SASH1: variants seen among roughly 807,000 people sequenced by gnomAD.
SASH1 encodes the protein SAM and SH3 domain-containing protein 1.
Under a neutral mutation model 125.2 loss-of-function variants are expected in SASH1, and 44 were observed. That is an observed-to-expected ratio of 0.35 (90% CI 0.28 to 0.45). The LOEUF (loss-of-function observed/expected upper bound fraction) is 0.45, where lower values mean the gene tolerates loss of function less well. Ranked by LOEUF, SASH1 falls within the 20% of genes least tolerant of loss-of-function variation. The pLI is 1.00. For synonymous variants in SASH1, 639 were observed against 649.1 expected, an observed-to-expected ratio of 0.98 and a Z score of 0.24; for missense variants, 1,426 against 1,614.5, an observed-to-expected ratio of 0.88 and a Z score of 2.00.
intron 4 of SASH1, among the ~76,000 whole-genome samples, chr6:148,441,128 A>G (rs938083239): frequency 2.0e-5 from 3 of 152,228 alleles, no homozygotes; most frequent in African/African-American, 7.2e-5. Flanking sequence ...AAAAATTTTA[A>G]AGAAAGTCCA....
intron 1 of SASH1, among the ~76,000 whole-genome samples, chr6:148,373,513 G>A (rs1455259278): frequency 1.3e-5 from 2 of 152,162 alleles, no homozygotes; most frequent in Non-Finnish European, 1.5e-5. Flanking sequence ...GGGGGCTGTG[G>A]CCTTTTCTCT....
chr6:148,367,457 A>C (rs761115230), intron 1 of SASH1, among the ~76,000 whole-genome samples: 3 of 152,204 alleles, frequency 2.0e-5, no homozygotes, highest in Non-Finnish European at 4.4e-5. Flanking sequence ...GGCCCTGCGC[A>C]GGTCTGCAGG....
intron 1 of SASH1, among the ~76,000 whole-genome samples, chr6:148,274,905 G>A (rs916957876): frequency 6.6e-6 from 1 of 152,018 alleles, no homozygotes; most frequent in Non-Finnish European, 1.5e-5. Flanking sequence ...TCTTCATTTA[G>A]GGCAATATCC....
chr6:148,197,858 G>A, the SASH1 span, among the ~76,000 whole-genome samples: 1 of 152,010 alleles, frequency 6.6e-6, no homozygotes, highest in Non-Finnish European at 1.5e-5. Flanking sequence ...TTTTGTTTTT[G>A]TTTTGTTTTG....
chr6:148,549,340 G>T lies in SASH1; in HGVS notation c.*782G>T, dbSNP rs1281559990. ...TTCATCAGCCACACACTTCATGTTG[G>T]TTTTTGGTTTTTAAGCTAACTACAA... On this transcript the variant is annotated 3_prime_UTR_variant, in exon 20 of 20. Transcript: ENST00000367467. The T allele has an allele frequency of 1.8e-5, 6 of 329,320 alleles. No homozygotes were observed. The highest frequency in any genetic ancestry group is 9.8e-5 in the Admixed American group (2 of 20,366). 20.4% of individuals were successfully genotyped at this position (329,320 alleles called of 1,614,324 possible).
At chr6:148,265,493 A>T in the SASH1 span, among the ~76,000 whole-genome samples, 1 of 152,190 alleles carries the variant, frequency 6.6e-6, no homozygotes, top group South Asian at 2.1e-4. Flanking sequence ...TGTGGACCTC[A>T]CCAAGGTGCT....
At chr6:148,281,211 T>G (rs1562303923) in intron 1 of SASH1, among the ~76,000 whole-genome samples, 2 of 149,760 alleles carry the variant, frequency 1.3e-5, no homozygotes, top group African/African-American at 2.5e-5. Context: ...TCCTGCCATG[T>G]CCTCCCAAAG....
chr6:148,455,361 C>G (rs149420697), intron 4 of SASH1, among the ~76,000 whole-genome samples: 29 of 152,296 alleles, frequency 1.9e-4, no homozygotes, highest in African/African-American at 5.5e-4. Context: ...ATCGTAAGCA[C>G]AGGTCGAGTT....
chr6:148,467,077 G>C (rs920085501), intron 4 of SASH1, among the ~76,000 whole-genome samples: 1 of 120,306 alleles, frequency 8.3e-6, no homozygotes, highest in African/African-American at 3.2e-5. Context: ...ACACTCTACT[G>C]TTCCCTGTTC....
chr6:148,360,064 T>G (rs1284661293), intron 1 of SASH1, among the ~76,000 whole-genome samples: 1 of 151,936 alleles, frequency 6.6e-6, no homozygotes, highest in Non-Finnish European at 1.5e-5. Context: ...GCTGAATTTT[T>G]TTTTTCTTTC....
intron 4 of SASH1, among the ~76,000 whole-genome samples, chr6:148,451,907 C>T (rs1269448760): frequency 1.3e-5 from 2 of 152,012 alleles, no homozygotes; most frequent in African/African-American, 4.8e-5. Context: ...AGGGTGGAGA[C>T]ACCCATGTTT....
chr6:148,482,803 C>G (rs1778688002), intron 7 of SASH1, among the ~76,000 whole-genome samples: 1 of 151,154 alleles, frequency 6.6e-6, no homozygotes, highest in African/African-American at 2.4e-5. Flanking sequence ...ATTCTCCTGC[C>G]TCAGCCTCCC....
intron 1 of SASH1, among the ~76,000 whole-genome samples, chr6:148,281,106 C>CTTT (rs34144143): frequency 1.0e-4 from 7 of 69,248 alleles, no homozygotes; most frequent in Admixed American, 2.0e-4. Flanking sequence ...CCATGCCTAG[C>CTTT]TTTTTTTTTT....
Position 148,482,688 on chromosome 6 carries a change from A to ATTTTTTTTTTTTTTTTTT in SASH1, c.628-4925_628-4908dup, listed in dbSNP as rs200708826. Among the ~76,000 whole-genome samples the ATTTTTTTTTTTTTTTTTT allele has an allele frequency of 6.0e-5, 6 of 99,922 alleles. 2 individuals are homozygous for ATTTTTTTTTTTTTTTTTT. The highest frequency in any genetic ancestry group is 2.7e-4 in the African/African-American group (6 of 22,532). 65.6% of individuals were successfully genotyped at this position (99,922 alleles called of 152,430 possible). On this transcript the variant is annotated intron_variant, in intron 7 of 19. Coordinates refer to ENST00000367467, the MANE Select transcript of SASH1 (RefSeq NM_015278.5). ...AGGCATGTGCCACCACACCTGGCTA[A>ATTTTTTTTTTTTTTTTTT]TTTTTTTTTTTTTTTTTTGAGAGAG...
chr6:148,206,944 A>G, the SASH1 span, among the ~76,000 whole-genome samples: 1 of 152,146 alleles, frequency 6.6e-6, no homozygotes, highest in Non-Finnish European at 1.5e-5. Context: ...TGTGGAGTTA[A>G]TAATTGGGTC....
At chr6:148,196,732 A>G in the SASH1 span, among the ~76,000 whole-genome samples, 1 of 152,240 alleles carries the variant, frequency 6.6e-6, no homozygotes, top group Non-Finnish European at 1.5e-5. Flanking sequence ...TCCATGAAAC[A>G]ATTAGAGAAC....
chr6:148,549,291 A>G lies in SASH1; in HGVS notation c.*733A>G. ...TGAGCTTTTCTAATCGTCTCATTGT[A>G]ACATGGCTTATTTTGTAGAGGTATT... is the stretch of plus-strand genomic sequence containing the variant. On this transcript the variant is annotated 3_prime_UTR_variant, in exon 20 of 20. Transcript: ENST00000367467. 3.9e-6 allele frequency: 1 copy of G among 255,454 alleles called. No homozygotes were observed. The allele number at this position is 255,454 out of a possible 1,614,324, so 15.8% of individuals were successfully genotyped here.
chr6:148,418,842 A>G (rs989976843), intron 2 of SASH1, among the ~76,000 whole-genome samples: 19 of 134,272 alleles, frequency 1.4e-4, no homozygotes, highest in Non-Finnish European at 6.5e-5. Flanking sequence ...CTGTGAATAC[A>G]CCTTAATCTC....
chr6:148,448,447 A>G (rs1314139746), intron 4 of SASH1, among the ~76,000 whole-genome samples: 1 of 152,024 alleles, frequency 6.6e-6, no homozygotes, highest in Non-Finnish European at 1.5e-5. Context: ...ATAGGAACCT[A>G]ACCAGAGGCC....
Sources: gnomAD v4.1 joint callset for allele counts (sites outside exome capture counted in the v4.1 genomes callset) on GRCh38, gnomAD v4.1.1 for gene constraint, MANE v1.5 for transcripts, NCBI Gene and HGNC (gene_info 2026-07-23, HGNC 2026-07-21) for gene names.